DHCR24: variants seen among roughly 807,000 people sequenced by gnomAD.
The protein encoded by DHCR24 is delta(24)-sterol reductase.
DHCR24 carries 28 observed loss-of-function variants against 61.2 expected under a neutral mutation model. That is an observed-to-expected ratio of 0.46 (90% CI 0.34 to 0.63). The LOEUF (loss-of-function observed/expected upper bound fraction) is 0.63. Ranked by LOEUF, DHCR24 falls within the 20% of genes least tolerant of loss-of-function variation. The pLI is 0.01. For synonymous variants in DHCR24, 261 were observed against 275.9 expected (o/e 0.95, Z 0.54); for missense variants, 538 against 679.1 (o/e 0.79, Z 2.31).
chr1:54,882,479 T>C (rs1433501723), intron 2 of DHCR24, among the ~76,000 whole-genome samples: 2 of 152,242 alleles, frequency 1.3e-5, no homozygotes, highest in Non-Finnish European at 2.9e-5. Context: ...GATCTAGCCA[T>C]TCCATTCCTA....
chr1:54,887,154 C>T lies in DHCR24; in HGVS notation c.-35G>A. On this transcript the variant is annotated 5_prime_UTR_variant, in exon 1 of 9. Coordinates refer to ENST00000371269, the MANE Select transcript of DHCR24 (RefSeq NM_014762.4). ...CCGCGCGGTAAGCGCTGCGGGTTCG[C>T]GCCTCCTGTCACTGCCGCCAGCTCC... 8 of 1,522,848 alleles carry T rather than the reference C, an allele frequency of 5.3e-6. No homozygotes were observed. The highest frequency in any genetic ancestry group is 7.1e-6 in the Non-Finnish European group (8 of 1,130,522). The allele number at this position is 1,522,848 out of a possible 1,614,324, so 94.3% of individuals were successfully genotyped here. A position where few individuals can be genotyped will look rare whatever the true frequency, so the allele number is the denominator to read the frequency against.
At chr1:54,863,606 A>G (rs1646950655) in intron 6 of DHCR24, among the ~76,000 whole-genome samples, 1 of 152,232 alleles carries the variant, frequency 6.6e-6, no homozygotes, top group Non-Finnish European at 1.5e-5. Context: ...AGCTGCAACT[A>G]TAAAGGTCTT....
At chr1:54,853,909 C>A in intron 7 of DHCR24, 128 bp downstream of exon 7, 2 of 976,764 alleles carry the variant, frequency 2.0e-6, no homozygotes, top group Non-Finnish European at 3.1e-6. Flanking sequence ...GGGACAAGGA[C>A]CTCATCTTAA....
At chr1:54,876,100 G>A in intron 2 of DHCR24, 53 bp from the exon 3 acceptor site, 2 of 1,405,840 alleles carry the variant, frequency 1.4e-6, no homozygotes, top group Non-Finnish European at 2.0e-6. Context: ...CCAGGCCCAA[G>A]GGGAGCTGCT....
Position 54,852,236 on chromosome 1 carries a change from G to C in DHCR24, c.1548C>G (p.His516Gln), listed in dbSNP as rs764355535. 6.2e-7 allele frequency: 1 copy of C among 1,614,234 alleles called. No individual in the cohort carries two copies. The highest frequency in any genetic ancestry group is 8.5e-7 in the Non-Finnish European group (1 of 1,180,048). ...GTCTCTCCAGGCGGGCTCCAGCTCAGTGCCTGGCGGCCTTGCAGATCTTGT... is the reference window on the plus strand; with the variant it reads ...GTCTCTCCAGGCGGGCTCCAGCTCACTGCCTGGCGGCCTTGCAGATCTTGT... ...VYDKICKAARH is the reference protein window; with the variant it reads ...VYDKICKAARQ Residue 516 changes from histidine to glutamine, a missense_variant, in exon 9 of 9, where the codon CAC becomes CAG. Physicochemically the swap from His to Gln is conservative, Grantham distance 24. Transcript: ENST00000371269.
intron 1 of DHCR24, 146 bp downstream of exon 1, chr1:54,886,743 C>A: frequency 1.6e-6 from 2 of 1,218,888 alleles, no homozygotes; most frequent in Non-Finnish European, 2.2e-6. Flanking sequence ...TTGTTTCGTT[C>A]CAACCCCTCT....
intron 6 of DHCR24, among the ~76,000 whole-genome samples, chr1:54,860,008 T>A (rs1487246229): frequency 6.6e-6 from 1 of 152,190 alleles, no homozygotes; most frequent in African/African-American, 2.4e-5. Flanking sequence ...TTGCCCAAGA[T>A]TAAGACTAAT....
chr1:54,849,898 C>T lies in DHCR24; in HGVS notation c.*2335G>A, dbSNP rs1646865171. On this transcript the variant is annotated 3_prime_UTR_variant, in exon 9 of 9. Transcript: ENST00000371269. ...CTACAATTCTGATTCTAAAGAAAAC[C>T]TTCATGCAGCCAAGAAACTCAGGGC... 1 of 152,654 alleles carries T rather than the reference C, an allele frequency of 6.6e-6. No individual in the cohort carries two copies. Among genetic ancestry groups the T allele is most frequent in the African/African-American group, 2.4e-5 (1 of 41,454 alleles). The allele number at this position is 152,654 out of a possible 1,614,324, so 9.5% of individuals were successfully genotyped here.
chr1:54,866,229 C>A (rs189290342), intron 5 of DHCR24, among the ~76,000 whole-genome samples: 2 of 152,254 alleles, frequency 1.3e-5, no homozygotes, highest in African/African-American at 4.8e-5. Context: ...CACACCCAGG[C>A]AGGTCATCTC....
At chr1:54,874,523 C>A (rs777147109) in intron 4 of DHCR24, among the ~76,000 whole-genome samples, 1 of 152,186 alleles carries the variant, frequency 6.6e-6, no homozygotes. Flanking sequence ...AGTAGGCTAT[C>A]TCATCTAGGT....
At chr1:54,871,647 A>T (rs779358484) in intron 4 of DHCR24, 34 bp from the exon 5 acceptor site, 6 of 1,613,826 alleles carry the variant, frequency 3.7e-6, no homozygotes, top group Non-Finnish European at 5.1e-6. Context: ...GTGAGCTGAA[A>T]CCTTGGGCCC....
chr1:54,874,948 G>A, intron 4 of DHCR24, 145 bp downstream of exon 4: 1 of 755,570 alleles, frequency 1.3e-6, no homozygotes, highest in Non-Finnish European at 2.4e-6. Context: ...CATATAAGGG[G>A]CTACACAAAT....
chr1:54,863,996 A>C (rs1182726819), intron 6 of DHCR24, among the ~76,000 whole-genome samples: 1 of 152,226 alleles, frequency 6.6e-6, no homozygotes, highest in African/African-American at 2.4e-5. Flanking sequence ...CAATACCATA[A>C]ACCCACCAGA....
rs1470347701 is a variant in DHCR24 at position 54,871,397 on chromosome 1, C to A, written c.829G>T (p.Ala277Ser). 2 of 1,614,072 alleles carry A rather than the reference C, an allele frequency of 1.2e-6. No individual in the cohort carries two copies. The highest frequency in any genetic ancestry group is 2.2e-5 in the East Asian group (1 of 44,882). The change falls in exon 5 of 9, where the codon GCT becomes TCT. Residue 277 changes from alanine to serine, a missense_variant. Ala to Ser is a moderately conservative substitution (Grantham distance 99). Transcript: ENST00000371269. The stretch of plus-strand genomic sequence containing the variant: ...GTCATGACCCCTGTCATAATGACAG[C>A]CTCATCCAGGGAGTAGAGCAGCCCT... ...VEGLLYSLDEAVIMTGVMTDE... is the reference protein window; with the variant it reads ...VEGLLYSLDESVIMTGVMTDE...
chr1:54,856,198 A>T (rs1646906638), intron 6 of DHCR24, among the ~76,000 whole-genome samples: 1 of 152,152 alleles, frequency 6.6e-6, no homozygotes. Context: ...GTGTTCCTTT[A>T]CAAATTGTCC....
intron 5 of DHCR24, among the ~76,000 whole-genome samples, chr1:54,866,805 A>G (rs1242838351): frequency 6.6e-6 from 1 of 150,580 alleles, no homozygotes; most frequent in Non-Finnish European, 1.5e-5. Flanking sequence ...CAGGGAGGAA[A>G]CTGGGGCTAA....
chr1:54,855,294 T>C (rs558598350), intron 6 of DHCR24, among the ~76,000 whole-genome samples: 3 of 151,000 alleles, frequency 2.0e-5, no homozygotes, highest in Non-Finnish European at 4.4e-5. Context: ...CTCAGGAGGC[T>C]GAGGCAGGAG....
intron 1 of DHCR24, among the ~76,000 whole-genome samples, chr1:54,884,524 T>C (rs1647082376): frequency 6.6e-6 from 1 of 152,178 alleles, no homozygotes; most frequent in Admixed American, 6.5e-5. Flanking sequence ...AAATGGCCCA[T>C]GGATGACAAG....
chr1:54,886,759 G>T, intron 1 of DHCR24, 130 bp downstream of exon 1: 1 of 1,232,328 alleles, frequency 8.1e-7, no homozygotes, highest in Non-Finnish European at 1.0e-6. Context: ...CCTCTCCAAC[G>T]CCAGCTCCCC....
Sources: gnomAD v4.1 joint callset for allele counts (sites outside exome capture counted in the v4.1 genomes callset) on GRCh38, gnomAD v4.1.1 for gene constraint, MANE v1.5 for transcripts, NCBI Gene and HGNC (gene_info 2026-07-23, HGNC 2026-07-21) for gene names.